The following SYCP1 variants were observed in gnomAD, a reference collection of about 807,000 sequenced individuals.
SYCP1 encodes cancer/testis antigen 8.
A neutral mutation model predicts 153.1 loss-of-function variants in SYCP1; 64 were observed. That is an observed-to-expected ratio of 0.42 (90% CI 0.34 to 0.51). The LOEUF is 0.51. Ranked by LOEUF, SYCP1 falls within the 20% of genes least tolerant of loss-of-function variation. The pLI is 0.06. For missense variants in SYCP1, 997 were observed against 1,049.0 expected (o/e 0.95, Z 0.68); for synonymous variants, 384 against 341.8 (o/e 1.12, Z -1.36).
chr1:114,937,942 G>A (rs1670129828), intron 23 of SYCP1, among the ~76,000 whole-genome samples: 1 of 152,182 alleles, frequency 6.6e-6, no homozygotes, highest in Admixed American at 6.5e-5. Flanking sequence ...CTTTTACACT[G>A]TTGGTGGGAC....
intron 27 of SYCP1, among the ~76,000 whole-genome samples, chr1:114,957,063 GTTGT>G (rs919585234): frequency 6.8e-5 from 10 of 147,120 alleles, no homozygotes; most frequent in African/African-American, 1.0e-4. Flanking sequence ...TGTTGTTGTT[GTTGT>G]TTGTTTGTTT....
intron 13 of SYCP1, 29 bp downstream of exon 13, chr1:114,885,658 A>G: frequency 1.5e-6 from 2 of 1,296,686 alleles, no homozygotes; most frequent in Non-Finnish European, 1.1e-6. Flanking sequence ...TTAGTGTGTA[A>G]TAAGTCTCAC....
chr1:114,915,235 GGTT>G (rs1240998047), intron 20 of SYCP1, among the ~76,000 whole-genome samples: 3 of 152,084 alleles, frequency 2.0e-5, no homozygotes, highest in African/African-American at 7.2e-5. Context: ...GGAAATAAAA[GGTT>G]GTTTTTTTGT....
chr1:114,893,108 T>C (rs541047476), intron 15 of SYCP1, among the ~76,000 whole-genome samples: 20 of 152,344 alleles, frequency 1.3e-4, no homozygotes, highest in East Asian at 9.6e-4. Flanking sequence ...AAGTGTAATT[T>C]ATCTACTCAC....
At chr1:114,901,577 T>C (rs1301931476) in intron 16 of SYCP1, among the ~76,000 whole-genome samples, 2 of 152,170 alleles carry the variant, frequency 1.3e-5, no homozygotes, top group Admixed American at 6.5e-5. Flanking sequence ...GGGGCCACCA[T>C]TGTAAAATGG....
At chr1:114,867,443 T>C (rs1430205014) in intron 8 of SYCP1, among the ~76,000 whole-genome samples, 1 of 152,176 alleles carries the variant, frequency 6.6e-6, no homozygotes, top group Non-Finnish European at 1.5e-5. Flanking sequence ...CAAAATTTTA[T>C]AGTTTTCCTC....
intron 27 of SYCP1, among the ~76,000 whole-genome samples, chr1:114,971,376 G>A (rs886294050): frequency 1.7e-4 from 26 of 152,188 alleles, no homozygotes; most frequent in African/African-American, 6.3e-4. Flanking sequence ...AGTTCGCCAG[G>A]GAAGTAGGGG....
At chr1:114,944,847 CT>C (rs35233102) in intron 24 of SYCP1, 24 bp from the exon 25 acceptor site, 36,303 of 1,062,148 alleles carry the variant, frequency 0.034, 3 homozygotes, top group South Asian at 0.047. Context: ...TTTTAAGAAA[CT>C]TTTTTTTTTT....
Position 114,994,999 on chromosome 1 carries a change from G to A in SYCP1, c.2911G>A (p.Ala971Thr). 2 of 1,599,382 alleles carry A rather than the reference G, an allele frequency of 1.3e-6. No homozygotes were observed. Among genetic ancestry groups the A allele is most frequent in the South Asian group, 2.3e-5 (2 of 88,796 alleles). The change falls in exon 32 of 32, where the codon GCT becomes ACT. Residue 971 changes from alanine to threonine, a missense_variant. Ala to Thr is a moderately conservative substitution (Grantham distance 58). Transcript: ENST00000369522. ...KMDRKKKLKE[A>T]EKLFV Reference sequence around the variant, plus strand: ...GGATAGAAAAAAAAAACTAAAAGAAGCTGAAAAGTTATTTGTTTAATTTCA... The same window carrying A: ...GGATAGAAAAAAAAAACTAAAAGAAACTGAAAAGTTATTTGTTTAATTTCA...
intron 14 of SYCP1, 97 bp from the exon 15 acceptor site, chr1:114,887,529 T>C: frequency 1.5e-6 from 1 of 675,780 alleles, no homozygotes; most frequent in Non-Finnish European, 2.4e-6. Context: ...GTGAATCTAT[T>C]CTAAGATATA....
intron 12 of SYCP1, among the ~76,000 whole-genome samples, chr1:114,883,875 T>C (rs1666117074): frequency 6.6e-6 from 1 of 152,116 alleles, no homozygotes; most frequent in Non-Finnish European, 1.5e-5. Flanking sequence ...GTATTTTTAG[T>C]AGAGACGGGG....
chr1:114,912,974 C>T (rs2101679550), intron 18 of SYCP1, 59 bp from the exon 19 acceptor site: 1 of 1,210,798 alleles, frequency 8.3e-7, no homozygotes, highest in Non-Finnish European at 1.2e-6. Context: ...GAATAAAATT[C>T]CATATTATGT....
intron 8 of SYCP1, among the ~76,000 whole-genome samples, chr1:114,862,486 A>T (rs922768185): frequency 1.3e-5 from 2 of 151,944 alleles, no homozygotes; most frequent in African/African-American, 4.8e-5. Flanking sequence ...AGTAGCTGTG[A>T]CTACAGGTGC....
chr1:114,968,571 T>C (rs1672287417), intron 27 of SYCP1, among the ~76,000 whole-genome samples: 1 of 152,196 alleles, frequency 6.6e-6, no homozygotes, highest in Non-Finnish European at 1.5e-5. Context: ...AGTTAGCACT[T>C]CCTGTAACCT....
At chr1:114,966,522 C>G (rs1485079040) in intron 27 of SYCP1, among the ~76,000 whole-genome samples, 1 of 152,070 alleles carries the variant, frequency 6.6e-6, no homozygotes, top group Admixed American at 6.5e-5. Flanking sequence ...TTAGCTGTGT[C>G]CCAGAGATTC....
intron 20 of SYCP1, among the ~76,000 whole-genome samples, chr1:114,921,618 G>A (rs1230648098): frequency 6.7e-6 from 1 of 150,326 alleles, no homozygotes; most frequent in Non-Finnish European, 1.5e-5. Flanking sequence ...GGTGGAGGTT[G>A]CAGTGAGTGA....
At position 114,944,943 on chromosome 1, in the gene SYCP1, T is replaced by C; in HGVS notation, c.2115T>C (p.His705=). The C allele has an allele frequency of 6.2e-7, 1 of 1,603,070 alleles. No homozygotes were observed. Among genetic ancestry groups the C allele is most frequent in the South Asian group, 1.1e-5 (1 of 88,246 alleles). Reference sequence around the variant, plus strand: ...AAGAAATTGATAAGCGATGTCAACATAAAATAGCTGAAATGGTAGCACTTA... The same window carrying C: ...AAGAAATTGATAAGCGATGTCAACACAAAATAGCTGAAATGGTAGCACTTA... ...LQKEIDKRCQ[H]KIAEMVALME... The change falls in exon 25 of 32, where the codon CAT becomes CAC. Residue 705 remains histidine, a synonymous_variant. Coordinates refer to ENST00000369522, the MANE Select transcript of SYCP1 (RefSeq NM_003176.4).
chr1:114,861,706 T>C (rs1233857120), intron 8 of SYCP1, among the ~76,000 whole-genome samples: 2 of 152,122 alleles, frequency 1.3e-5, no homozygotes, highest in Non-Finnish European at 2.9e-5. Flanking sequence ...TTAATAAATA[T>C]GCTTAGAACA....
At chr1:114,957,883 C>T (rs1671538354) in intron 27 of SYCP1, among the ~76,000 whole-genome samples, 1 of 152,056 alleles carries the variant, frequency 6.6e-6, no homozygotes, top group Middle Eastern at 3.4e-3. Context: ...AGAGGTTCCT[C>T]AAAAAACTAA....
Sources: allele counts gnomAD v4.1 joint callset (sites outside exome capture counted in the v4.1 genomes callset), GRCh38; gene constraint gnomAD v4.1.1; transcripts MANE v1.5; gene names NCBI Gene and HGNC (gene_info 2026-07-23, HGNC 2026-07-21).